GPHN: variants seen among roughly 807,000 people sequenced by gnomAD.
GPHN encodes gephyrin.
GPHN carries 17 observed loss-of-function variants against 95.5 expected under a neutral mutation model. That is an observed-to-expected ratio of 0.18 (90% CI 0.12 to 0.27). The LOEUF (loss-of-function observed/expected upper bound fraction) is 0.27, where lower values mean the gene tolerates loss of function less well. Among genes scored for constraint, GPHN ranks in the 10% least tolerant of loss-of-function variants. GPHN has a pLI of 1.00. For missense variants in GPHN, 660 were observed against 978.1 expected (o/e 0.67, Z 4.34); for synonymous variants, 320 against 322.5 (o/e 0.99, Z 0.08).
the GPHN span, chr14:67,198,088 GAT>G: frequency 6.6e-7 from 1 of 1,524,324 alleles, no homozygotes; most frequent in Non-Finnish European, 8.8e-7. Flanking sequence ...ACTTAATTAT[GAT>G]ATTAAATTCT....
chr14:67,657,755 T>C, the GPHN span, among the ~76,000 whole-genome samples: 477 of 33,610 alleles, frequency 0.014, 9 homozygotes, highest in East Asian at 0.2. Flanking sequence ...TTCTTTCTTT[T>C]TTTTTTTTTT....
the GPHN span, chr14:67,383,642 A>G: frequency 1.7e-6 from 1 of 604,124 alleles, no homozygotes; most frequent in South Asian, 1.7e-5. Context: ...CAACACTTTG[A>G]GCATTTTTAA....
At chr14:67,681,567 A>C in the GPHN span, among the ~76,000 whole-genome samples, 2 of 152,176 alleles carry the variant, frequency 1.3e-5, no homozygotes, top group African/African-American at 2.4e-5. Flanking sequence ...GGATCACTTG[A>C]AGTCAGGAGT....
chr14:67,253,958 G>GTT, the GPHN span, among the ~76,000 whole-genome samples: 4 of 143,080 alleles, frequency 2.8e-5, no homozygotes, highest in African/African-American at 8.0e-5. Context: ...TTAATATTTT[G>GTT]TTTTGTTTTT....
chr14:67,381,764 T>A, the GPHN span: 2 of 834,320 alleles, frequency 2.4e-6, no homozygotes, highest in Non-Finnish European at 1.7e-6. Flanking sequence ...CTTTGTTTCT[T>A]TTTTTTTTTT....
chr14:67,245,082 A>G, the GPHN span, among the ~76,000 whole-genome samples: 10 of 152,346 alleles, frequency 6.6e-5, 1 homozygote, highest in South Asian at 2.1e-3. Flanking sequence ...GAGGCTCCAG[A>G]AAAGAAAGCA....
At chr14:66,646,926 T>A (rs2064781083) in intron 1 of GPHN, among the ~76,000 whole-genome samples, 1 of 152,110 alleles carries the variant, frequency 6.6e-6, no homozygotes, top group Non-Finnish European at 1.5e-5. Flanking sequence ...TGACACGGTC[T>A]CACTCTGTCA....
intron 8 of GPHN, among the ~76,000 whole-genome samples, chr14:66,960,280 TC>T (rs977744522): frequency 4.8e-5 from 6 of 125,946 alleles, no homozygotes; most frequent in African/African-American, 2.3e-4. Flanking sequence ...TTTTTTCTTT[TC>T]TTTTTTTTTT....
the GPHN span, among the ~76,000 whole-genome samples, chr14:67,356,054 A>G: frequency 3.3e-5 from 5 of 152,168 alleles, no homozygotes; most frequent in Non-Finnish European, 7.4e-5. Flanking sequence ...ACCTAGACAC[A>G]GTATAACCTA....
chr14:67,112,950 G>C, intron 15 of GPHN, 68 bp from the exon 16 acceptor site: 1 of 1,453,626 alleles, frequency 6.9e-7, no homozygotes. Context: ...TGACACTAAA[G>C]TTTCCCTCTG....
intron 3 of GPHN, among the ~76,000 whole-genome samples, chr14:66,792,976 A>G (rs1282850322): frequency 3.9e-5 from 6 of 152,294 alleles, no homozygotes; most frequent in Admixed American, 3.9e-4. Context: ...CCCTTAAGGC[A>G]CAGATCGCTC....
the GPHN span, among the ~76,000 whole-genome samples, chr14:67,522,424 G>C: frequency 1.3e-5 from 2 of 152,276 alleles, no homozygotes; most frequent in African/African-American, 2.4e-5. Flanking sequence ...TCTGAGGGGG[G>C]ACAAAGGAGT....
At chr14:66,974,570 A>C (rs1018485843) in intron 9 of GPHN, among the ~76,000 whole-genome samples, 4 of 152,146 alleles carry the variant, frequency 2.6e-5, no homozygotes, top group African/African-American at 9.6e-5. Flanking sequence ...AAAATTGCTA[A>C]CTGTAGAATT....
chr14:66,732,562 G>C (rs1267991683), intron 2 of GPHN, among the ~76,000 whole-genome samples: 1 of 152,206 alleles, frequency 6.6e-6, no homozygotes, highest in African/African-American at 2.4e-5. Flanking sequence ...TTTCGCCCAG[G>C]CTGGAGTGCA....
chr14:66,942,813 A>G (rs2067507197), intron 8 of GPHN, among the ~76,000 whole-genome samples: 1 of 152,182 alleles, frequency 6.6e-6, no homozygotes, highest in African/African-American at 2.4e-5. Context: ...AAAGCCAGGT[A>G]TCAGGAAAAA....
intron 1 of GPHN, among the ~76,000 whole-genome samples, chr14:66,524,431 A>G (rs1242556336): frequency 1.3e-5 from 2 of 152,200 alleles, no homozygotes; most frequent in African/African-American, 2.4e-5. Flanking sequence ...AAGAGAATCT[A>G]TCAAATTTAG....
At chr14:66,865,892 C>T (rs2063204855) in intron 4 of GPHN, among the ~76,000 whole-genome samples, 2 of 152,110 alleles carry the variant, frequency 1.3e-5, no homozygotes, top group Non-Finnish European at 2.9e-5. Context: ...CTGAGACACT[C>T]TTAAGTGTAT....
intron 21 of GPHN, among the ~76,000 whole-genome samples, chr14:67,178,883 C>G (rs2083164681): frequency 6.6e-6 from 1 of 151,976 alleles, no homozygotes; most frequent in African/African-American, 2.4e-5. Flanking sequence ...CTGCAGAAAC[C>G]TTAAGGCCAG....
chr14:66,838,992 A>G (rs771274529), intron 4 of GPHN, among the ~76,000 whole-genome samples: 6 of 152,222 alleles, frequency 3.9e-5, no homozygotes, highest in Non-Finnish European at 7.3e-5. Context: ...GAATAATTCT[A>G]ATAATTTTAC....
Sources: gnomAD v4.1 joint callset for allele counts (sites outside exome capture counted in the v4.1 genomes callset) on GRCh38, gnomAD v4.1.1 for gene constraint, MANE v1.5 for transcripts, NCBI Gene and HGNC (gene_info 2026-07-23, HGNC 2026-07-21) for gene names.